The following PPP3CC variants were observed in gnomAD, a reference collection of about 807,000 sequenced individuals.
The protein encoded by PPP3CC is protein phosphatase 3 catalytic subunit gamma, also known as serine/threonine-protein phosphatase 2B catalytic subunit gamma isoform.
A neutral mutation model predicts 60.3 loss-of-function variants in PPP3CC; 35 were observed. The observed-to-expected ratio is 0.58, with a 90% confidence interval of 0.44 to 0.77. The LOEUF is 0.77. Ranked by LOEUF, PPP3CC falls within the 30% of genes least tolerant of loss-of-function variation. The pLI is 0.00. For synonymous variants in PPP3CC, 206 were observed against 224.3 expected, an observed-to-expected ratio of 0.92 and a Z score of 0.73; for missense variants, 570 against 628.9, an observed-to-expected ratio of 0.91 and a Z score of 1.00.
intron 10 of PPP3CC, among the ~76,000 whole-genome samples, chr8:22,529,842 T>G (rs1839655553): frequency 6.6e-6 from 1 of 152,142 alleles, no homozygotes; most frequent in Admixed American, 6.6e-5. Context: ...AGTAACATTT[T>G]ATTATATATG....
chr8:22,468,834 C>G (rs959802567), intron 1 of PPP3CC, among the ~76,000 whole-genome samples: 1 of 152,134 alleles, frequency 6.6e-6, no homozygotes, highest in Non-Finnish European at 1.5e-5. Context: ...GTCTCATATG[C>G]TCGCACAGAA....
rs554079756 is a variant in PPP3CC, at chr8:22,527,990, GT to G, written c.1069+480del. On this transcript the variant is annotated intron_variant, in intron 9 of 13. Transcript: ENST00000240139. ...GGTTCTTAAATTTTAATATATTATG[GT>G]TTTTTTATTGTAAATATCAATTTAA... Among the ~76,000 whole-genome samples, 155 of 152,178 alleles carry G rather than the reference GT, an allele frequency of 1.0e-3. 1 individual carries two copies. The highest frequency in any genetic ancestry group is 3.3e-3 in the African/African-American group (139 of 41,500).
chr8:22,500,205 G>C (rs1838721908), intron 4 of PPP3CC, among the ~76,000 whole-genome samples: 2 of 152,088 alleles, frequency 1.3e-5, no homozygotes, highest in African/African-American at 4.8e-5. Flanking sequence ...TTATTTTTGT[G>C]ATGAAAGTAC....
intron 4 of PPP3CC, among the ~76,000 whole-genome samples, chr8:22,501,028 C>G (rs761424630): frequency 1.1e-4 from 16 of 152,074 alleles, no homozygotes; most frequent in Non-Finnish European, 1.8e-4. Context: ...CATAGAGGCA[C>G]TTACCTATAG....
chr8:22,531,321 T>A, intron 10 of PPP3CC: 1 of 1,532,094 alleles, frequency 6.5e-7, no homozygotes, highest in South Asian at 1.2e-5. Flanking sequence ...TTCCAAGCTA[T>A]CAGAAAGGTA....
chr8:22,441,475 G>A lies in PPP3CC; in HGVS notation c.49+17G>A. On this transcript the variant is annotated intron_variant, in intron 1 of 13. Coordinates refer to ENST00000240139, the MANE Select transcript of PPP3CC (RefSeq NM_005605.5). The stretch of plus-strand genomic sequence containing the variant: ...TCATCAAAGGTGCCTGGCGGGCCGG[G>A]CCTTCCTCTGGGACCCGCGGGAAAC... 6.5e-7 allele frequency: 1 copy of A among 1,527,264 alleles called. No individual in the cohort carries two copies. Among genetic ancestry groups the A allele is most frequent in the East Asian group, 2.6e-5 (1 of 38,782 alleles). 94.6% of individuals were successfully genotyped at this position (1,527,264 alleles called of 1,614,324 possible).
At chr8:22,516,937 T>C (rs1337446826) in intron 6 of PPP3CC, among the ~76,000 whole-genome samples, 1 of 152,210 alleles carries the variant, frequency 6.6e-6, no homozygotes, top group African/African-American at 2.4e-5. Context: ...GAATCAACAG[T>C]GTAAATGACC....
intron 1 of PPP3CC, among the ~76,000 whole-genome samples, chr8:22,455,219 TAGAA>T (rs1837160843): frequency 1.3e-5 from 2 of 152,188 alleles, no homozygotes; most frequent in Non-Finnish European, 2.9e-5. Flanking sequence ...TGGTTATGCT[TAGAA>T]GGGTTAAATA....
At chr8:22,452,818 A>G (rs1221783233) in intron 1 of PPP3CC, among the ~76,000 whole-genome samples, 4 of 66,830 alleles carry the variant, frequency 6.0e-5, no homozygotes, top group Non-Finnish European at 1.6e-4. Flanking sequence ...CATCGCTATC[A>G]TCATCATCAT....
At chr8:22,504,222 A>G (rs1179654874) in intron 4 of PPP3CC, among the ~76,000 whole-genome samples, 1 of 152,170 alleles carries the variant, frequency 6.6e-6, no homozygotes, top group Non-Finnish European at 1.5e-5. Flanking sequence ...TATGTATACA[A>G]TGTATAATTA....
intron 1 of PPP3CC, among the ~76,000 whole-genome samples, chr8:22,459,528 C>T (rs979659699): frequency 6.6e-6 from 1 of 151,772 alleles, no homozygotes; most frequent in African/African-American, 2.4e-5. Context: ...AAAATACTTT[C>T]ATTTTCATGA....
intron 3 of PPP3CC, among the ~76,000 whole-genome samples, chr8:22,485,003 A>C (rs928905658): frequency 1.3e-5 from 2 of 152,192 alleles, no homozygotes; most frequent in African/African-American, 4.8e-5. Context: ...CAAAATATCA[A>C]TGAGATACGC....
At chr8:22,506,137 T>G (rs1282377520) in intron 4 of PPP3CC, among the ~76,000 whole-genome samples, 3 of 152,138 alleles carry the variant, frequency 2.0e-5, no homozygotes, top group Non-Finnish European at 4.4e-5. Flanking sequence ...CATCTCCTGC[T>G]TTTAAAAAGC....
chr8:22,527,249 A>T (rs1839582119), intron 8 of PPP3CC, 143 bp from the exon 9 acceptor site: 2 of 865,960 alleles, frequency 2.3e-6, no homozygotes, highest in East Asian at 5.0e-5. Context: ...AAAATTTTCC[A>T]TCTGCCCTTT....
At chr8:22,506,535 G>T (rs1407772855) in intron 4 of PPP3CC, among the ~76,000 whole-genome samples, 1 of 152,210 alleles carries the variant, frequency 6.6e-6, no homozygotes, top group African/African-American at 2.4e-5. Context: ...ATATATGTCT[G>T]CATGTGTATG....
At chr8:22,492,288 A>G (rs774608343) in intron 3 of PPP3CC, among the ~76,000 whole-genome samples, 3 of 152,210 alleles carry the variant, frequency 2.0e-5, no homozygotes, top group Admixed American at 6.5e-5. Flanking sequence ...AGTACTTATC[A>G]TGAATGGATT....
intron 8 of PPP3CC, among the ~76,000 whole-genome samples, chr8:22,523,225 C>G (rs1189578187): frequency 1.3e-5 from 2 of 152,046 alleles, no homozygotes; most frequent in South Asian, 4.1e-4. Flanking sequence ...AGTTTAAACC[C>G]TGCCAGAAAC....
rs1450062638 is a variant in PPP3CC, at chr8:22,501,702, C to G, written c.484+3590C>G. Among the ~76,000 whole-genome samples the G allele has an allele frequency of 2.6e-5, 4 of 152,308 alleles. 1 individual carries two copies. In the East Asian group the frequency reaches 7.7e-4, roughly 29 times the overall value. On this transcript the variant is annotated intron_variant, in intron 4 of 13. Transcript: ENST00000240139. Reference sequence around the variant, plus strand: ...GATCAGCTAGCTGGAAAAAAACCCTCACTCAGTTTTTAAAAGGCTCACCTT... The same window carrying G: ...GATCAGCTAGCTGGAAAAAAACCCTGACTCAGTTTTTAAAAGGCTCACCTT...
intron 3 of PPP3CC, among the ~76,000 whole-genome samples, chr8:22,484,923 A>T (rs1198523241): frequency 6.6e-6 from 1 of 152,194 alleles, no homozygotes; most frequent in East Asian, 1.9e-4. Flanking sequence ...GAGGAAAGTG[A>T]TTCAGCTAGC....
Sources: gnomAD v4.1 joint callset for allele counts (sites outside exome capture counted in the v4.1 genomes callset) on GRCh38, gnomAD v4.1.1 for gene constraint, MANE v1.5 for transcripts, NCBI Gene and HGNC (gene_info 2026-07-23, HGNC 2026-07-21) for gene names.